The following SH3GL2 variants were observed in gnomAD, a reference collection of about 807,000 sequenced individuals.
SH3GL2 encodes endophilin-A1.
SH3GL2 carries 24 observed loss-of-function variants against 46.0 expected under a neutral mutation model. That is an observed-to-expected ratio of 0.52 (90% confidence interval 0.38 to 0.73). The LOEUF (loss-of-function observed/expected upper bound fraction) is 0.73, where lower values mean the gene tolerates loss of function less well. Among genes scored for constraint, SH3GL2 ranks in the 30% least tolerant of loss-of-function variants. The pLI is 0.00. For synonymous variants in SH3GL2, 196 were observed against 147.1 expected (o/e 1.33, Z -2.40); for missense variants, 413 against 424.2 (o/e 0.97, Z 0.23).
chr9:17,717,130 C>A (rs959770865), intron 1 of SH3GL2, among the ~76,000 whole-genome samples: 6 of 152,100 alleles, frequency 3.9e-5, no homozygotes, highest in Admixed American at 1.3e-4. Flanking sequence ...CATCCTATTT[C>A]TACCAATTAC....
At chr9:17,778,769 T>C (rs58624127) in intron 3 of SH3GL2, among the ~76,000 whole-genome samples, 17,579 of 152,040 alleles carry the variant, frequency 0.12, 1,116 homozygotes, top group Admixed American at 0.15. Context: ...GTGTTTTGAA[T>C]GTAGAGCTGA....
chr9:17,759,459 G>C (rs568494933), intron 2 of SH3GL2, among the ~76,000 whole-genome samples: 2 of 152,304 alleles, frequency 1.3e-5, no homozygotes, highest in East Asian at 1.9e-4. Flanking sequence ...TCTGTTGCCT[G>C]TCTTTTTAGG....
chr9:17,745,798 G>T (rs562429802), intron 1 of SH3GL2, among the ~76,000 whole-genome samples: 1 of 152,092 alleles, frequency 6.6e-6, no homozygotes, highest in Non-Finnish European at 1.5e-5. Context: ...ACTGTGGGTT[G>T]GTCATGGTAG....
intron 1 of SH3GL2, among the ~76,000 whole-genome samples, chr9:17,623,342 T>G (rs192014762): frequency 2.0e-5 from 3 of 152,156 alleles, no homozygotes; most frequent in African/African-American, 7.2e-5. Context: ...AGTAGAGTTG[T>G]GGGATATGTG....
In SH3GL2 at chr9:17,682,361, A is replaced by G. The variant is rs1412380796; in HGVS notation, c.46-64705A>G. ...AAAGCAAATGTGGTACATGTACACCATGGAATACTATGCAGCTATGTGAAG... is the reference window on the plus strand; with the variant it reads ...AAAGCAAATGTGGTACATGTACACCGTGGAATACTATGCAGCTATGTGAAG... On this transcript the variant is annotated intron_variant, in intron 1 of 8. Coordinates refer to ENST00000380607, the MANE Select transcript of SH3GL2 (RefSeq NM_003026.5). Among the ~76,000 whole-genome samples, 5 of 152,340 alleles carry G rather than the reference A, an allele frequency of 3.3e-5. No homozygotes were observed. The East Asian group carries it at 7.7e-4, about 24-fold the overall frequency.
chr9:17,784,036 A>G (rs1352936817), intron 3 of SH3GL2, among the ~76,000 whole-genome samples: 4 of 152,172 alleles, frequency 2.6e-5, no homozygotes, highest in Non-Finnish European at 5.9e-5. Flanking sequence ...TTAATAACAC[A>G]GAAGTTTCAT....
At chr9:17,579,813 C>G (rs1489976766) in intron 1 of SH3GL2, among the ~76,000 whole-genome samples, 1 of 152,120 alleles carries the variant, frequency 6.6e-6, no homozygotes, top group Non-Finnish European at 1.5e-5. Flanking sequence ...CCCGCAGGCT[C>G]CAGGGGAATG....
intron 1 of SH3GL2, among the ~76,000 whole-genome samples, chr9:17,606,687 A>G (rs949972052): frequency 2.6e-5 from 4 of 152,146 alleles, no homozygotes; most frequent in South Asian, 4.1e-4. Flanking sequence ...TCCTTTAACT[A>G]CCTGAGCTGC....
chr9:17,689,135 C>G (rs190519819), intron 1 of SH3GL2, among the ~76,000 whole-genome samples: 2 of 152,018 alleles, frequency 1.3e-5, no homozygotes, highest in African/African-American at 2.4e-5. Context: ...TGTGGTCTTC[C>G]TCCCTTAAAC....
intron 1 of SH3GL2, among the ~76,000 whole-genome samples, chr9:17,595,861 G>A (rs962812635): frequency 6.6e-6 from 1 of 152,098 alleles, no homozygotes; most frequent in Non-Finnish European, 1.5e-5. Context: ...TATAGACCAG[G>A]CGTTATGCTA....
chr9:17,597,441 C>G (rs1025935728), intron 1 of SH3GL2, among the ~76,000 whole-genome samples: 1 of 151,760 alleles, frequency 6.6e-6, no homozygotes, highest in Non-Finnish European at 1.5e-5. Context: ...CGCTTTAACC[C>G]AGGAGGTGGA....
rs1359202158 is a variant in SH3GL2 at position 17,781,755 on chromosome 9, A to G, written c.188-4626A>G. ...TTTGTATACTTTACTCAGATTCTCC[A>G]GGTACCTAGAATGGCCTTTCCCAGG... On this transcript the variant is annotated intron_variant, in intron 3 of 8. Transcript: ENST00000380607. Among the ~76,000 whole-genome samples the G allele has an allele frequency of 3.3e-5, 5 of 152,180 alleles. No homozygotes were observed. The East Asian group carries it at 7.7e-4, about 24-fold the overall frequency.
chr9:17,789,366 C>T, intron 5 of SH3GL2, 26 bp from the exon 6 acceptor site: 2 of 1,606,526 alleles, frequency 1.2e-6, no homozygotes, highest in Non-Finnish European at 1.7e-6. Flanking sequence ...CCTTTCAAAG[C>T]CTATTCCTGC....
Position 17,793,574 on chromosome 9 carries a change from A to C in SH3GL2, c.859+77A>C, listed in dbSNP as rs1588343168. 7 of 1,410,892 alleles carry C rather than the reference A, an allele frequency of 5.0e-6. No individual in the cohort carries two copies. The East Asian group carries it at 1.6e-4, about 33-fold the overall frequency. The allele number at this position is 1,410,892 out of a possible 1,614,324, so 87.4% of individuals were successfully genotyped here. Reference sequence around the variant, plus strand: ...GCACTCTTCCAGAAATTTTAGGAATAGTCCAATCTGGCTGCATAGGAAATA... The same window carrying C: ...GCACTCTTCCAGAAATTTTAGGAATCGTCCAATCTGGCTGCATAGGAAATA... On this transcript the variant is annotated intron_variant, in intron 8 of 8. Coordinates refer to ENST00000380607, the MANE Select transcript of SH3GL2 (RefSeq NM_003026.5).
chr9:17,791,906 GC>G (rs1224722499), intron 7 of SH3GL2, among the ~76,000 whole-genome samples: 1 of 152,214 alleles, frequency 6.6e-6, no homozygotes, highest in Non-Finnish European at 1.5e-5. Context: ...TCACAGCAGG[GC>G]TGTAGTAGTA....
At chr9:17,668,105 G>A (rs1292251109) in intron 1 of SH3GL2, among the ~76,000 whole-genome samples, 2 of 152,122 alleles carry the variant, frequency 1.3e-5, no homozygotes, top group Non-Finnish European at 2.9e-5. Context: ...TGTTCTTGAT[G>A]ATGTTCTTTG....
At chr9:17,779,676 A>G (rs1385109049) in intron 3 of SH3GL2, among the ~76,000 whole-genome samples, 2 of 152,144 alleles carry the variant, frequency 1.3e-5, no homozygotes, top group Non-Finnish European at 1.5e-5. Context: ...ATTTTGTTTC[A>G]TCTTCATTTG....
At position 17,743,245 on chromosome 9, in the gene SH3GL2, C is replaced by T. The variant is rs578062959; in HGVS notation, c.46-3821C>T. The stretch of plus-strand genomic sequence containing the variant: ...TTGTTACATAGTCTGCTGTTAAATT[C>T]GGGGCCTTGATATATTTAGCTCCTT... On this transcript the variant is annotated intron_variant, in intron 1 of 8. Transcript: ENST00000380607. 6.8e-4 allele frequency among the ~76,000 whole-genome samples: 103 copies of T among 152,250 alleles called. 1 individual carries two copies. Among genetic ancestry groups the T allele is most frequent in the African/African-American group, 1.9e-3 (77 of 41,566 alleles).
chr9:17,648,399 G>A (rs2134660784), intron 1 of SH3GL2, among the ~76,000 whole-genome samples: 1 of 152,242 alleles, frequency 6.6e-6, no homozygotes, highest in African/African-American at 2.4e-5. Flanking sequence ...GTAAAATGTT[G>A]GGTTGGAAAG....
Sources: gnomAD v4.1 joint callset for allele counts (sites outside exome capture counted in the v4.1 genomes callset) on GRCh38, gnomAD v4.1.1 for gene constraint, MANE v1.5 for transcripts, NCBI Gene and HGNC (gene_info 2026-07-23, HGNC 2026-07-21) for gene names.